The following TUBGCP6 variants were observed in gnomAD, a reference collection of about 807,000 sequenced individuals.
TUBGCP6 encodes tubulin gamma complex component 6, also known as gamma-tubulin complex component 6.
TUBGCP6 carries 161 observed loss-of-function variants against 175.8 expected under a neutral mutation model. That is an observed-to-expected ratio of 0.92 (90% CI 0.81 to 1.04). TUBGCP6 has a LOEUF of 1.04. Among genes scored for constraint, TUBGCP6 ranks in the 50% least tolerant of loss-of-function variants. The pLI, the probability that TUBGCP6 is intolerant of heterozygous loss-of-function variation, is 0.00. For synonymous variants in TUBGCP6, 1,173 were observed against 1,030.5 expected (o/e 1.14, Z -2.65); for missense variants, 2,572 against 2,433.0 (o/e 1.06, Z -1.20).
chr22:50,220,183 C>T, intron 16 of TUBGCP6, 68 bp downstream of exon 16: 1 of 1,549,234 alleles, frequency 6.5e-7, no homozygotes, highest in Non-Finnish European at 8.8e-7. Flanking sequence ...AACCCCACTG[C>T]CCGCCTACCT....
chr22:50,222,700 C>G, intron 13 of TUBGCP6, 108 bp from the exon 14 acceptor site: 1 of 1,481,804 alleles, frequency 6.7e-7, no homozygotes, highest in South Asian at 1.3e-5. Flanking sequence ...CCAGTGGGCC[C>G]CCGCCCCCGT....
Position 50,231,081 on chromosome 22 carries a change from C to CAAA in TUBGCP6, c.1117-1507_1117-1505dup, listed in dbSNP as rs35669469. ...TGGGCAACAGAGCGAGACTCTATCT[C>CAAA]AAAAAAAAAAAAAAAAAAAAAAAAG... On this transcript the variant is annotated intron_variant, in intron 3 of 24. Transcript: ENST00000248846. 2.0e-3 allele frequency among the ~76,000 whole-genome samples: 45 copies of CAAA among 22,636 alleles called. 2 individuals are homozygous for CAAA. Among genetic ancestry groups the CAAA allele is most frequent in the African/African-American group, 3.5e-3 (19 of 5,442 alleles). The allele number at this position is 22,636 out of a possible 152,430, so 14.9% of individuals were successfully genotyped here. A position where few individuals can be genotyped will look rare whatever the true frequency, so the allele number is the denominator to read the frequency against.
In TUBGCP6 at chr22:50,218,056, C is replaced by A; in HGVS notation, c.5230G>T (p.Val1744Leu). 1 of 1,613,484 alleles carries A rather than the reference C, an allele frequency of 6.2e-7. No individual in the cohort carries two copies. The highest frequency in any genetic ancestry group is 8.5e-7 in the Non-Finnish European group (1 of 1,179,956). ...ATGAGCTGGCTGCGGAACTTGAGCA[C>A]GAGGCTGAAGATGCTGTGGATGACG... ...MNVIHSIFSL[V>L]LKFRSQLISQ... is the part of the protein sequence containing the mutation. Residue 1744 changes from valine to leucine, a missense_variant, in exon 24 of 25, where the codon GTG becomes TTG. Coordinates refer to ENST00000248846, the MANE Select transcript of TUBGCP6 (RefSeq NM_020461.4).
At position 50,224,352 on chromosome 22, in the gene TUBGCP6, G is replaced by A. The variant is rs756887092; in HGVS notation, c.2134C>T (p.Gln712Ter). 3.5e-5 allele frequency: 56 copies of A among 1,614,080 alleles called. No individual in the cohort carries two copies. The highest frequency in any genetic ancestry group is 3.4e-6 in the Non-Finnish European group (4 of 1,180,042). The change falls in exon 12 of 25, where the codon CAA (glutamine) becomes TAA (stop). Residue 712 changes from glutamine to a stop codon, truncating the protein, a stop_gained. Transcript: ENST00000248846. LOFTEE classifies it high-confidence loss of function. ...CCCACCTCCTGGTCCTTCACAAATT[G>A]TTCTTTCAGCCTCTGAAACTGCTCA... ...KREQFQRLKE[Q>*]FVKDQERRQA...
chr22:50,230,481 C>T (rs1902670033), intron 3 of TUBGCP6, among the ~76,000 whole-genome samples: 1 of 152,092 alleles, frequency 6.6e-6, no homozygotes, highest in African/African-American at 2.4e-5. Context: ...GTGGCGTGCA[C>T]CTGTAGTCCC....
In TUBGCP6 at chr22:50,226,084, T is replaced by C. The variant is rs755707832; in HGVS notation, c.1799A>G (p.Lys600Arg). Residue 600 changes from lysine (K) to arginine (R), a missense_variant, in exon 9 of 25, where the codon AAG becomes AGG. Lys to Arg is a conservative substitution (Grantham distance 26, BLOSUM62 2). Coordinates refer to ENST00000248846, the MANE Select transcript of TUBGCP6 (RefSeq NM_020461.4). ...HIAHDIYVCGKTINLLKLCCP... is the reference protein window; with the variant it reads ...HIAHDIYVCGRTINLLKLCCP... ...GCAGAGCTTCAGCAGGTTAATGGTCTTTCCGCAGACGTATATGTCGTGGGC... is the reference window on the plus strand; with the variant it reads ...GCAGAGCTTCAGCAGGTTAATGGTCCTTCCGCAGACGTATATGTCGTGGGC... 1.9e-6 allele frequency: 3 copies of C among 1,614,168 alleles called. No homozygotes were observed. In the East Asian group the frequency reaches 6.7e-5, roughly 36 times the overall value.
In TUBGCP6 at chr22:50,242,074, C is replaced by T. The variant is rs1358601087; in HGVS notation, c.741+1645G>A. Among the ~76,000 whole-genome samples the T allele has an allele frequency of 1.7e-4, 26 of 150,138 alleles. 1 individual carries two copies. The highest frequency in any genetic ancestry group is 1.7e-3 in the Admixed American group (25 of 15,044). On this transcript the variant is annotated intron_variant, in intron 1 of 24. Coordinates refer to ENST00000248846, the MANE Select transcript of TUBGCP6 (RefSeq NM_020461.4). ...TTGGGAGGCCGAGGCGGGCAGATCA[C>T]GAGGTGAGGAGATAGAGACCATCCT... is the stretch of plus-strand genomic sequence containing the variant.
At position 50,220,951 on chromosome 22, in the gene TUBGCP6, G is replaced by T; in HGVS notation, c.3408C>A (p.His1136Gln). ...PTRPRWNTHG[H>Q]VSNASIRVGE... ...CAACCCTGATGCTGGCGTTGGACACGTGCCCGTGGGTATTCCACCGTGGCC... is the reference window on the plus strand; with the variant it reads ...CAACCCTGATGCTGGCGTTGGACACTTGCCCGTGGGTATTCCACCGTGGCC... Residue 1136 changes from histidine (H) to glutamine (Q), a missense_variant, in exon 16 of 25, where the codon CAC becomes CAA. Physicochemically the swap from His to Gln is conservative, Grantham distance 24. Coordinates refer to ENST00000248846, the MANE Select transcript of TUBGCP6 (RefSeq NM_020461.4). The T allele has an allele frequency of 1.2e-6, 2 of 1,607,116 alleles. No homozygotes were observed. Among genetic ancestry groups the T allele is most frequent in the Non-Finnish European group, 1.7e-6 (2 of 1,178,372 alleles).
At chr22:50,219,255 T>G (rs778121609) in intron 19 of TUBGCP6, 33 bp downstream of exon 19, 38 of 1,609,576 alleles carry the variant, frequency 2.4e-5, no homozygotes, top group Non-Finnish European at 3.0e-5. Flanking sequence ...ACGGGCTGGG[T>G]GGGCAGACTG....
In TUBGCP6 at chr22:50,233,374, A is replaced by G. The variant is rs759707639; in HGVS notation, c.1058T>C (p.Val353Ala). The G allele has an allele frequency of 3.7e-6, 6 of 1,614,052 alleles. No homozygotes were observed. The highest frequency in any genetic ancestry group is 5.1e-6 in the Non-Finnish European group (6 of 1,179,966). ...QPVLVKECEL[V>A]KDVLNVLIGV... ...AATCAAGACGTTCAGCACGTCTTTCACCAGCTCGCACTCCTTCACCAGCAC... is the reference window on the plus strand; with the variant it reads ...AATCAAGACGTTCAGCACGTCTTTCGCCAGCTCGCACTCCTTCACCAGCAC... Residue 353 changes from valine (V) to alanine (A), a missense_variant, in exon 3 of 25, where the codon GTG (valine) becomes GCG (alanine). Coordinates refer to ENST00000248846, the MANE Select transcript of TUBGCP6 (RefSeq NM_020461.4).
In TUBGCP6 at chr22:50,244,509, G is replaced by A; in HGVS notation, c.-50C>T. The stretch of plus-strand genomic sequence containing the variant: ...GGCGTGTGGGAAAACACCTCACCCG[G>A]GCTTCACTCACGCTCCGGAAGACAG... On this transcript the variant is annotated 5_prime_UTR_variant, in exon 1 of 25. Coordinates refer to ENST00000248846, the MANE Select transcript of TUBGCP6 (RefSeq NM_020461.4). 1 of 1,541,906 alleles carries A rather than the reference G, an allele frequency of 6.5e-7. No homozygotes were observed.
rs762426410 is a variant in TUBGCP6, at chr22:50,218,795, C to T, written c.4729G>A (p.Ala1577Thr). The T allele has an allele frequency of 1.5e-5, 25 of 1,613,968 alleles. No individual in the cohort carries two copies. Among genetic ancestry groups the T allele is most frequent in the Admixed American group, 1.2e-4 (7 of 60,004 alleles). ...QCSLHGDTPH[A>T]SNLSLALKYL... ...TTGAGAGCGAGGGAGAGGTTGGAGG[C>T]GTGCGGGGTGTCCCCATGCAGGCTG... Residue 1577 changes from alanine to threonine, a missense_variant, in exon 21 of 25, where the codon GCC (alanine) becomes ACC (threonine). Transcript: ENST00000248846.
chr22:50,233,303 G>T lies in TUBGCP6; in HGVS notation c.1116+13C>A. ...GCCCCACACCACTGTGGCGGGGAGT[G>T]AGCAGTTCTCACCTGGCAGAGCGAA... On this transcript the variant is annotated intron_variant, in intron 3 of 24. Coordinates refer to ENST00000248846, the MANE Select transcript of TUBGCP6 (RefSeq NM_020461.4). The T allele has an allele frequency of 6.2e-7, 1 of 1,605,860 alleles. No individual in the cohort carries two copies. The highest frequency in any genetic ancestry group is 1.1e-5 in the South Asian group (1 of 90,486).
chr22:50,220,565 C>G lies in TUBGCP6; in HGVS notation c.3794G>C (p.Arg1265Pro), dbSNP rs201525094. The G allele has an allele frequency of 3.1e-6, 5 of 1,613,514 alleles. No homozygotes were observed. The highest frequency in any genetic ancestry group is 4.2e-6 in the Non-Finnish European group (5 of 1,180,024). ...AGGGATGGGTACATGGGTGTTCCACCGTGGCCGGGTGGAAACCACATCCGA... is the reference window on the plus strand; with the variant it reads ...AGGGATGGGTACATGGGTGTTCCACGGTGGCCGGGTGGAAACCACATCCGA... ...PVSDVVSTRP[R>P]WNTHVPIPPP... Residue 1265 changes from arginine (R) to proline (P), a missense_variant, in exon 16 of 25, where the codon CGG becomes CCG. Physicochemically the swap from Arg to Pro is moderately radical, Grantham distance 103. Transcript: ENST00000248846.
intron 24 of TUBGCP6, 41 bp from the exon 25 acceptor site, chr22:50,217,868 G>A: frequency 1.9e-6 from 3 of 1,610,392 alleles, no homozygotes; most frequent in East Asian, 2.2e-5. Context: ...CCCACAGTGT[G>A]AGCCCCGCCC....
At chr22:50,226,568 AGTGGGGGCAGG>A (rs2147189085) in intron 7 of TUBGCP6, among the ~76,000 whole-genome samples, 154 bp downstream of exon 7, 1 of 5,360 alleles carries the variant, frequency 1.9e-4, no homozygotes, top group South Asian at 3.9e-3. Context: ...GGGGGTGTGG[AGTGGGGGCAGG>A]GTGGGGGGTT....
In TUBGCP6 at chr22:50,240,347, C is replaced by T. The variant is rs2064824815; in HGVS notation, c.762G>A (p.Gln254=). 1 of 1,613,628 alleles carries T rather than the reference C, an allele frequency of 6.2e-7. No homozygotes were observed. The highest frequency in any genetic ancestry group is 8.5e-7 in the Non-Finnish European group (1 of 1,179,930). ...CTGACTGGAATCCTTCGTCTTCCCACTGATCCACACTCGGTGGGACCTGGA... is the reference window on the plus strand; with the variant it reads ...CTGACTGGAATCCTTCGTCTTCCCATTGATCCACACTCGGTGGGACCTGGA... ...LAIKVPPSVD[Q]WEDEGFQSAS... Residue 254 remains glutamine, a synonymous_variant, in exon 2 of 25, where the codon CAG becomes CAA. Coordinates refer to ENST00000248846, the MANE Select transcript of TUBGCP6 (RefSeq NM_020461.4).
intron 2 of TUBGCP6, among the ~76,000 whole-genome samples, chr22:50,237,251 G>T (rs559251477): frequency 1.8e-4 from 27 of 152,344 alleles, no homozygotes; most frequent in Admixed American, 1.4e-3. Context: ...TGGGACCTGT[G>T]GGAAAGCAGG....
intron 5 of TUBGCP6, among the ~76,000 whole-genome samples, chr22:50,227,434 C>T (rs142384028): frequency 0.011 from 1,714 of 152,298 alleles, 15 homozygotes; most frequent in Non-Finnish European, 0.019. Context: ...CCACAACTCG[C>T]ACCCTTCACA....
Sources: gnomAD v4.1 joint callset for allele counts (sites outside exome capture counted in the v4.1 genomes callset) on GRCh38, gnomAD v4.1.1 for gene constraint, MANE v1.5 for transcripts, NCBI Gene and HGNC (gene_info 2026-07-23, HGNC 2026-07-21) for gene names.